MSRA: variants seen among roughly 807,000 people sequenced by gnomAD.
The protein encoded by MSRA is mitochondrial peptide methionine sulfoxide reductase.
MSRA carries 54 observed loss-of-function variants against 31.3 expected under a neutral mutation model. That is an observed-to-expected ratio of 1.73 (90% CI 1.39 to 2.17). The LOEUF (loss-of-function observed/expected upper bound fraction) is 2.17, where lower values mean the gene tolerates loss of function less well. MSRA is among the 30% of genes most tolerant of loss of function. The probability of loss-of-function intolerance (pLI) is 0.00; values close to 1 mark genes in which losing one functional copy is unlikely to be tolerated. For synonymous variants in MSRA, 169 were observed against 116.5 expected, an observed-to-expected ratio of 1.45 and a Z score of -2.90; for missense variants, 507 against 300.9, an observed-to-expected ratio of 1.69 and a Z score of -5.07.
At chr8:10,342,131 TCATTCTTAA>T (rs1195810955) in intron 5 of MSRA, among the ~76,000 whole-genome samples, 3 of 152,206 alleles carry the variant, frequency 2.0e-5, no homozygotes, top group African/African-American at 7.2e-5. Context: ...GCAACACTTT[TCATTCTTAA>T]GTTCTGTTCT....
At chr8:10,076,767 G>A (rs548883750) in intron 1 of MSRA, among the ~76,000 whole-genome samples, 4 of 152,140 alleles carry the variant, frequency 2.6e-5, no homozygotes, top group Non-Finnish European at 2.9e-5. Context: ...CTGCCTTTCC[G>A]CAAGTGTCTC....
At chr8:10,262,750 G>A (rs1798547136) in intron 3 of MSRA, among the ~76,000 whole-genome samples, 1 of 152,216 alleles carries the variant, frequency 6.6e-6, no homozygotes, top group African/African-American at 2.4e-5. Flanking sequence ...TTCTGGGAAG[G>A]TGAATTGCAG....
intron 1 of MSRA, among the ~76,000 whole-genome samples, chr8:10,180,797 C>T (rs755449304): frequency 7.9e-5 from 12 of 152,190 alleles, no homozygotes; most frequent in East Asian, 5.8e-4. Flanking sequence ...GTTGTTGCAC[C>T]GAAGAAATGT....
intron 3 of MSRA, among the ~76,000 whole-genome samples, chr8:10,259,973 A>G (rs540680807): frequency 6.6e-6 from 1 of 152,354 alleles, no homozygotes; most frequent in East Asian, 1.9e-4. Flanking sequence ...TGAGGACCTC[A>G]ACACAGACGC....
intron 2 of MSRA, among the ~76,000 whole-genome samples, chr8:10,218,357 C>T (rs1400193472): frequency 6.6e-6 from 1 of 151,912 alleles, no homozygotes; most frequent in Non-Finnish European, 1.5e-5. Context: ...TGTTGCCAGG[C>T]TGGTGTCTAA....
intron 3 of MSRA, among the ~76,000 whole-genome samples, chr8:10,254,231 G>A (rs940543255): frequency 5.9e-5 from 9 of 152,192 alleles, no homozygotes; most frequent in African/African-American, 1.9e-4. Context: ...TGACTGGAGC[G>A]TTCTGATGAG....
intron 1 of MSRA, among the ~76,000 whole-genome samples, chr8:10,203,771 C>A (rs1167330719): frequency 6.6e-6 from 1 of 152,204 alleles, no homozygotes; most frequent in African/African-American, 2.4e-5. Context: ...GCAGGTACTT[C>A]AGGAGGTGTC....
intron 3 of MSRA, among the ~76,000 whole-genome samples, chr8:10,296,748 G>T (rs1800566066): frequency 6.6e-6 from 1 of 152,178 alleles, no homozygotes; most frequent in Admixed American, 6.5e-5. Flanking sequence ...CCGAGGAAAG[G>T]CATGGCTCAT....
intron 5 of MSRA, among the ~76,000 whole-genome samples, chr8:10,383,128 CAG>C (rs1393935235): frequency 2.6e-5 from 4 of 152,188 alleles, no homozygotes; most frequent in Non-Finnish European, 4.4e-5. Context: ...CAGTTGATGG[CAG>C]AGTCAGGACT....
chr8:10,173,283 C>T (rs571432745), intron 1 of MSRA, among the ~76,000 whole-genome samples: 1 of 152,234 alleles, frequency 6.6e-6, no homozygotes, highest in Non-Finnish European at 1.5e-5. Context: ...TTGTTCTCTG[C>T]CATGTAAAAG....
intron 2 of MSRA, among the ~76,000 whole-genome samples, chr8:10,234,768 C>T (rs7844323): frequency 2.6e-4 from 39 of 151,454 alleles, no homozygotes; most frequent in African/African-American, 7.5e-4. Flanking sequence ...TAAATGAATA[C>T]AAAAAAGGTA....
chr8:10,099,607 G>C (rs1016188960), intron 1 of MSRA, among the ~76,000 whole-genome samples: 1 of 152,210 alleles, frequency 6.6e-6, no homozygotes, highest in Non-Finnish European at 1.5e-5. Flanking sequence ...AGCTTGTTGA[G>C]TCTTATTTGA....
chr8:10,417,449 C>G (rs894631553), intron 5 of MSRA, among the ~76,000 whole-genome samples: 1 of 152,078 alleles, frequency 6.6e-6, no homozygotes, highest in Non-Finnish European at 1.5e-5. Context: ...CACACACATA[C>G]GCACACTCCA....
chr8:10,107,705 T>C (rs1799987162), intron 1 of MSRA, among the ~76,000 whole-genome samples: 1 of 152,244 alleles, frequency 6.6e-6, no homozygotes, highest in African/African-American at 2.4e-5. Context: ...GTCATTTTCT[T>C]AATGCTTATT....
rs1033202171 is a variant in MSRA, at chr8:10,337,679, T to A, written c.543+17690T>A. On this transcript the variant is annotated intron_variant, in intron 5 of 5. Coordinates refer to ENST00000317173, the MANE Select transcript of MSRA (RefSeq NM_012331.5). ...GTCATCCGGTGAATGATTTTTCATC[T>A]TGAACCTTATACTCCTCCTCTCTCG... The A allele has an allele frequency of 8.6e-6, 6 of 701,106 alleles. 1 individual carries two copies. The highest frequency in any genetic ancestry group is 7.4e-5 in the South Asian group (5 of 67,160). 43.4% of individuals were successfully genotyped at this position (701,106 alleles called of 1,614,324 possible).
In MSRA at chr8:10,151,771, AT is replaced by A. The variant is rs147524891; in HGVS notation, c.143-56059del. 1.5e-3 allele frequency among the ~76,000 whole-genome samples: 231 copies of A among 152,330 alleles called. 1 individual carries two copies. The highest frequency in any genetic ancestry group is 5.2e-3 in the African/African-American group (217 of 41,582). ...TTTGAAGGAAAGCGATGGTGAGATT[AT>A]TTAGACTGGGAAGATGAACCTGCCA... On this transcript the variant is annotated intron_variant, in intron 1 of 5. Coordinates refer to ENST00000317173, the MANE Select transcript of MSRA (RefSeq NM_012331.5).
intron 3 of MSRA, among the ~76,000 whole-genome samples, chr8:10,263,556 C>G (rs1255053202): frequency 6.6e-6 from 1 of 152,178 alleles, no homozygotes; most frequent in African/African-American, 2.4e-5. Context: ...CATTCTTTGG[C>G]TTTGTTTTTA....
At chr8:10,406,812 T>C (rs887682168) in intron 5 of MSRA, among the ~76,000 whole-genome samples, 10 of 152,234 alleles carry the variant, frequency 6.6e-5, no homozygotes, top group African/African-American at 2.4e-4. Flanking sequence ...GGAACCAAGA[T>C]GAGGCCCATG....
At chr8:10,159,748 C>G (rs1020284908) in intron 1 of MSRA, among the ~76,000 whole-genome samples, 2 of 152,166 alleles carry the variant, frequency 1.3e-5, no homozygotes, top group African/African-American at 4.8e-5. Context: ...CAGCAACAAT[C>G]TTAACATGCT....
Sources: gnomAD v4.1 joint callset for allele counts (sites outside exome capture counted in the v4.1 genomes callset) on GRCh38, gnomAD v4.1.1 for gene constraint, MANE v1.5 for transcripts, NCBI Gene and HGNC (gene_info 2026-07-23, HGNC 2026-07-21) for gene names.